Variants in PCBP3 observed in about 807,000 individuals in gnomAD.
PCBP3 encodes poly(rC) binding protein 3.
PCBP3 carries 25 observed loss-of-function variants against 52.7 expected under a neutral mutation model. The ratio of observed to expected loss-of-function variants is 0.47; its 90% CI spans 0.35 to 0.66. The LOEUF is 0.66. Ranked by LOEUF, PCBP3 falls within the 30% of genes least tolerant of loss-of-function variation. The pLI is 0.01. For synonymous variants in PCBP3, 162 were observed against 183.0 expected (o/e 0.89, Z 0.93); for missense variants, 391 against 490.3 (o/e 0.80, Z 1.91).
chr21:45,699,849 G>C (rs1050205069), intron 2 of PCBP3, among the ~76,000 whole-genome samples: 2 of 152,156 alleles, frequency 1.3e-5, no homozygotes, highest in African/African-American at 4.8e-5. Flanking sequence ...ACAACATGTG[G>C]GAGTTTCGGG....
rs1001829366 is a variant in PCBP3 at position 45,928,687 on chromosome 21, C to T, written c.718-1230C>T. Among the ~76,000 whole-genome samples, 2 of 152,216 alleles carry T rather than the reference C, an allele frequency of 1.3e-5. No homozygotes were observed. Among genetic ancestry groups the T allele is most frequent in the South Asian group, 4.1e-4 (2 of 4,832 alleles). On this transcript the variant is annotated intron_variant, in intron 13 of 17. Coordinates refer to ENST00000681687, the MANE Select transcript of PCBP3 (RefSeq NM_001384156.1). This position sits in a 1 kb window ranked among gnomAD's most constrained non-coding sequence, Gnocchi z 4.1. ...GGCAGCTCTGCTCCGAGCGCCCACA[C>T]CCCCCAGCATTGGTGGCCTCTGTGG...
Position 45,697,459 on chromosome 21 carries a change from A to C in PCBP3, c.-200+28507A>C, listed in dbSNP as rs560728201. Among the ~76,000 whole-genome samples the C allele has an allele frequency of 8.4e-4, 128 of 152,318 alleles. 1 individual carries two copies. Among genetic ancestry groups the C allele is most frequent in the Middle Eastern group, 3.4e-3 (1 of 294 alleles). On this transcript the variant is annotated intron_variant, in intron 2 of 17. Transcript: ENST00000681687. ...TACAAACCACTTAAAAAATATCACA[A>C]AGTTGCCAGATGCTATGGCTCATAC...
intron 3 of PCBP3, among the ~76,000 whole-genome samples, chr21:45,747,796 CG>C (rs1401119531): frequency 6.6e-6 from 1 of 152,320 alleles, no homozygotes; most frequent in East Asian, 1.9e-4. Flanking sequence ...ATGGGCCCAG[CG>C]GAGGTCTCAT....
rs777966750 is a variant in PCBP3 at position 45,926,337 on chromosome 21, G to A, written c.718-3580G>A. ...AGCACAGCTCGTCATTCTAAATGAC[G>A]CTGATAAACAACTGTGTTACTGGTT... On this transcript the variant is annotated intron_variant, in intron 13 of 17. Transcript: ENST00000681687. Among the ~76,000 whole-genome samples, 47 of 152,202 alleles carry A rather than the reference G, an allele frequency of 3.1e-4. 1 individual carries two copies. The highest frequency in any genetic ancestry group is 2.3e-3 in the Admixed American group (35 of 15,286).
intron 2 of PCBP3, among the ~76,000 whole-genome samples, chr21:45,696,150 G>A (rs894757888): frequency 2.0e-5 from 3 of 148,982 alleles, no homozygotes; most frequent in Admixed American, 6.7e-5. Flanking sequence ...ACATACATAC[G>A]GAAAACATGA....
intron 5 of PCBP3, among the ~76,000 whole-genome samples, chr21:45,878,454 G>A (rs966174837): frequency 2.0e-5 from 3 of 152,240 alleles, no homozygotes; most frequent in Non-Finnish European, 4.4e-5. Context: ...ATTTCATGAA[G>A]TTGTGTGTGC....
intron 1 of PCBP3, among the ~76,000 whole-genome samples, chr21:45,653,963 C>CT (rs2079850306): frequency 6.6e-6 from 1 of 151,888 alleles, no homozygotes; most frequent in Admixed American, 6.6e-5. Context: ...GTAGTTATAC[C>CT]TTTATCTTTC....
chr21:45,646,895 G>C (rs1436373330), intron 1 of PCBP3, among the ~76,000 whole-genome samples: 1 of 152,230 alleles, frequency 6.6e-6, no homozygotes, highest in Non-Finnish European at 1.5e-5. Flanking sequence ...ATCTGTTTAT[G>C]TGTTGGGCTA....
chr21:45,697,317 G>A (rs1003388338), intron 2 of PCBP3, among the ~76,000 whole-genome samples: 5 of 152,046 alleles, frequency 3.3e-5, no homozygotes, highest in African/African-American at 1.2e-4. Flanking sequence ...ATACCACATG[G>A]CATAAAAAAT....
At chr21:45,792,355 T>G (rs1262086483) in intron 4 of PCBP3, among the ~76,000 whole-genome samples, 1 of 152,070 alleles carries the variant, frequency 6.6e-6, no homozygotes, top group African/African-American at 2.4e-5. Context: ...GAGGCCAGCG[T>G]CTGGCAGTGA....
chr21:45,785,351 C>A (rs1168718216), intron 4 of PCBP3, among the ~76,000 whole-genome samples: 3 of 150,664 alleles, frequency 2.0e-5, no homozygotes, highest in Non-Finnish European at 4.4e-5. Context: ...GGGGGTCAGC[C>A]CCCCGCCCGG....
chr21:45,782,377 A>T (rs370889460), intron 4 of PCBP3, among the ~76,000 whole-genome samples: 3 of 152,202 alleles, frequency 2.0e-5, no homozygotes, highest in East Asian at 3.8e-4. Context: ...GACATTTTAG[A>T]ATTGAAACAT....
At chr21:45,650,957 G>A (rs779872253) in intron 1 of PCBP3, among the ~76,000 whole-genome samples, 4 of 152,114 alleles carry the variant, frequency 2.6e-5, no homozygotes, top group Non-Finnish European at 5.9e-5. Flanking sequence ...GAAGCAGGGG[G>A]CACTCAGTCC....
intron 4 of PCBP3, among the ~76,000 whole-genome samples, chr21:45,780,201 G>T (rs867024238): frequency 6.6e-6 from 1 of 152,174 alleles, no homozygotes; most frequent in Non-Finnish European, 1.5e-5. Flanking sequence ...GTGATCTTGC[G>T]TGAGGCAATG....
intron 4 of PCBP3, among the ~76,000 whole-genome samples, chr21:45,793,726 A>T (rs547261899): frequency 2.0e-5 from 3 of 152,198 alleles, no homozygotes; most frequent in Non-Finnish European, 4.4e-5. Context: ...GGTGATTGGC[A>T]TCAGACTTCT....
At position 45,910,891 on chromosome 21, in the gene PCBP3, C is replaced by T. The variant is rs1447844586; in HGVS notation, c.472-11C>T. On this transcript the variant is annotated splice_polypyrimidine_tract_variant and intron_variant, in intron 10 of 17. Coordinates refer to ENST00000681687, the MANE Select transcript of PCBP3 (RefSeq NM_001384156.1). The stretch of plus-strand genomic sequence containing the variant: ...ACCCTGGTGCTCCCTTCCAATGTCC[C>T]CTCTCTCCAGTCCACAGGTGCCCAG... 1.3e-6 allele frequency: 2 copies of T among 1,593,888 alleles called. No individual in the cohort carries two copies. The highest frequency in any genetic ancestry group is 1.7e-6 in the Non-Finnish European group (2 of 1,171,140).
chr21:45,940,977 C>T (rs774826884), intron 17 of PCBP3, among the ~76,000 whole-genome samples: 5 of 152,234 alleles, frequency 3.3e-5, no homozygotes, highest in Non-Finnish European at 5.9e-5. Context: ...TAGGTGGACA[C>T]AGCCCTGCGT....
chr21:45,782,394 T>A (rs759366237), intron 4 of PCBP3, among the ~76,000 whole-genome samples: 4 of 151,966 alleles, frequency 2.6e-5, no homozygotes, highest in Non-Finnish European at 5.9e-5. Flanking sequence ...ACATATAGGA[T>A]CTGAAATTAA....
rs754713676 is a variant in PCBP3, at chr21:45,800,569, G to A, written c.-126+45117G>A. On this transcript the variant is annotated intron_variant, in intron 4 of 17. Coordinates refer to ENST00000681687, the MANE Select transcript of PCBP3 (RefSeq NM_001384156.1). This position sits in a 1 kb window ranked among gnomAD's most constrained non-coding sequence, Gnocchi z 5.3. ...CCACCCAACACCACCAGCCTTGCTG[G>A]TGCCTCCTGCCCTGCCCTCTGCTCT... 2.0e-5 allele frequency among the ~76,000 whole-genome samples: 3 copies of A among 152,106 alleles called. No individual in the cohort carries two copies. Among genetic ancestry groups the A allele is most frequent in the African/African-American group, 4.8e-5 (2 of 41,442 alleles).
Sources: gnomAD v4.1 joint callset for allele counts (sites outside exome capture counted in the v4.1 genomes callset) on GRCh38, gnomAD v4.1.1 for gene constraint, Gnocchi (gnomAD v3.1) non-coding constraint, MANE v1.5 for transcripts, NCBI Gene and HGNC (gene_info 2026-07-23, HGNC 2026-07-21) for gene names.